The following TENM3 variants were observed in gnomAD, a reference collection of about 807,000 sequenced individuals.
TENM3 encodes teneurin transmembrane protein 3, also known as teneurin-3.
Under a neutral mutation model 255.1 loss-of-function variants are expected in TENM3, and 63 were observed. That is an observed-to-expected ratio of 0.25 (90% CI 0.20 to 0.30). The LOEUF (loss-of-function observed/expected upper bound fraction) is 0.30, where lower values mean the gene tolerates loss of function less well. TENM3 is among the 10% of genes least tolerant of loss of function. TENM3 has a pLI of 1.00. For synonymous variants in TENM3, 1,306 were observed against 1,322.3 expected, an observed-to-expected ratio of 0.99 and a Z score of 0.27; for missense variants, 2,929 against 3,461.1, an observed-to-expected ratio of 0.85 and a Z score of 3.86.
At chr4:182,156,692 C>T (rs920232245) in intron 1 of TENM3, among the ~76,000 whole-genome samples, 1 of 151,386 alleles carries the variant, frequency 6.6e-6, no homozygotes, top group African/African-American at 2.5e-5. Context: ...TTTACTGAAT[C>T]TGTAAAAATT....
At chr4:182,156,929 A>G (rs946552882) in intron 1 of TENM3, among the ~76,000 whole-genome samples, 4 of 152,234 alleles carry the variant, frequency 2.6e-5, no homozygotes, top group East Asian at 1.9e-4. Flanking sequence ...TAGTTGAGGC[A>G]TGATATAAAG....
intron 13 of TENM3, among the ~76,000 whole-genome samples, chr4:182,718,272 CT>C (rs1759371716): frequency 6.6e-6 from 1 of 152,204 alleles, no homozygotes. Flanking sequence ...GTATATTCAT[CT>C]GTTAACTCTG....
chr4:181,604,638 C>A, the TENM3 span, among the ~76,000 whole-genome samples: 10 of 152,324 alleles, frequency 6.6e-5, no homozygotes, highest in East Asian at 1.5e-3. Flanking sequence ...CTACTCAGTG[C>A]CCCTGCCTCC....
At chr4:181,551,067 G>A in the TENM3 span, among the ~76,000 whole-genome samples, 2 of 152,126 alleles carry the variant, frequency 1.3e-5, no homozygotes, top group African/African-American at 4.8e-5. Context: ...TACAACATTG[G>A]TGAACAGGAG....
At chr4:182,599,244 C>A (rs1382757825) in intron 3 of TENM3, among the ~76,000 whole-genome samples, 1 of 152,156 alleles carries the variant, frequency 6.6e-6, no homozygotes, top group African/African-American at 2.4e-5. Context: ...CTGTTAGTTT[C>A]TCTTTTTCTA....
At chr4:181,855,182 T>C in the TENM3 span, among the ~76,000 whole-genome samples, 2,605 of 152,352 alleles carry the variant, frequency 0.017, 81 homozygotes, top group African/African-American at 0.06. Flanking sequence ...AAATTTAACA[T>C]TTAACTTGTT....
At chr4:182,763,570 C>T (rs1763400422) in intron 22 of TENM3, among the ~76,000 whole-genome samples, 1 of 150,652 alleles carries the variant, frequency 6.6e-6, no homozygotes, top group Non-Finnish European at 1.5e-5. Context: ...AAAAAAGAAA[C>T]GATGGAACCA....
At chr4:182,737,195 C>A in intron 17 of TENM3, 120 bp downstream of exon 17, 1 of 1,083,582 alleles carries the variant, frequency 9.2e-7, no homozygotes, top group Non-Finnish European at 1.3e-6. Context: ...TAAGGTTGTC[C>A]TAGGGATATT....
chr4:181,781,891 C>G, the TENM3 span, among the ~76,000 whole-genome samples: 51 of 152,214 alleles, frequency 3.4e-4, no homozygotes, highest in African/African-American at 1.2e-3. Context: ...TGGTTTTTGT[C>G]TTTGGTTCTG....
the TENM3 span, among the ~76,000 whole-genome samples, chr4:181,711,578 A>G: frequency 6.6e-6 from 1 of 152,240 alleles, no homozygotes; most frequent in African/African-American, 2.4e-5. Flanking sequence ...ATTCAACAAC[A>G]TCAGCAATAA....
the TENM3 span, among the ~76,000 whole-genome samples, chr4:181,843,431 A>G: frequency 2.6e-5 from 4 of 152,170 alleles, no homozygotes; most frequent in African/African-American, 9.7e-5. Flanking sequence ...TAACTTCTGT[A>G]TGATATTGAA....
the TENM3 span, among the ~76,000 whole-genome samples, chr4:181,487,177 A>G: frequency 6.6e-6 from 1 of 152,190 alleles, no homozygotes; most frequent in African/African-American, 2.4e-5. Flanking sequence ...CAACTAGAAG[A>G]TAGAGGGGGT....
intron 2 of TENM3, among the ~76,000 whole-genome samples, chr4:182,337,986 T>A (rs551724631): frequency 2.0e-5 from 3 of 152,242 alleles, no homozygotes; most frequent in African/African-American, 7.2e-5. Context: ...ATTGACTGGG[T>A]ACGGGAGAGC....
the TENM3 span, among the ~76,000 whole-genome samples, chr4:181,694,716 C>T: frequency 2.0e-5 from 3 of 152,140 alleles, no homozygotes; most frequent in Non-Finnish European, 4.4e-5. Flanking sequence ...CTTTTCTTCC[C>T]GGAATGGAAT....
intron 3 of TENM3, among the ~76,000 whole-genome samples, chr4:182,427,598 T>C (rs1182523834): frequency 2.0e-5 from 3 of 152,186 alleles, no homozygotes. Context: ...TCTTTATCTA[T>C]GGCTATAGAA....
chr4:181,520,321 G>A, the TENM3 span, among the ~76,000 whole-genome samples: 1 of 152,154 alleles, frequency 6.6e-6, no homozygotes, highest in African/African-American at 2.4e-5. Flanking sequence ...GATTCCTTCT[G>A]CTGGATTGAT....
chr4:181,910,394 G>A, the TENM3 span, among the ~76,000 whole-genome samples: 16 of 151,712 alleles, frequency 1.1e-4, no homozygotes, highest in East Asian at 5.8e-4. Flanking sequence ...GTGAAACCCC[G>A]CCTCTACTAA....
At chr4:182,144,925 C>G (rs1372275825) in intron 1 of TENM3, 4 of 151,818 alleles carry the variant, frequency 2.6e-5, no homozygotes, top group African/African-American at 4.8e-5. Context: ...CCGGCCTCCC[C>G]GTCCCCGCCC....
chr4:182,677,034 T>G (rs775875494), intron 7 of TENM3, among the ~76,000 whole-genome samples: 2 of 152,204 alleles, frequency 1.3e-5, no homozygotes, highest in Admixed American at 6.5e-5. Context: ...CTTAGAAATA[T>G]TACAAAGCAA....
Sources: allele counts gnomAD v4.1 joint callset (sites outside exome capture counted in the v4.1 genomes callset), GRCh38; gene constraint gnomAD v4.1.1; transcripts MANE v1.5; gene names NCBI Gene and HGNC (gene_info 2026-07-23, HGNC 2026-07-21).